ARHGEF3: variants seen among roughly 807,000 people sequenced by gnomAD.
ARHGEF3 encodes the protein Rho guanine nucleotide exchange factor 3, also known as 59.8 kDA protein.
ARHGEF3 carries 28 observed loss-of-function variants against 63.2 expected under a neutral mutation model. That is an observed-to-expected ratio of 0.44 (90% CI 0.33 to 0.61). ARHGEF3 has a LOEUF of 0.61. Ranked by LOEUF, ARHGEF3 falls within the 20% of genes least tolerant of loss-of-function variation. The probability of loss-of-function intolerance (pLI) is 0.03; values close to 1 mark genes in which losing one functional copy is unlikely to be tolerated. For synonymous variants in ARHGEF3, 266 were observed against 254.2 expected (o/e 1.05, Z -0.44); for missense variants, 533 against 659.3 (o/e 0.81, Z 2.10).
At chr3:56,809,246 A>T (rs2037977027) in intron 4 of ARHGEF3, among the ~76,000 whole-genome samples, 1 of 152,198 alleles carries the variant, frequency 6.6e-6, no homozygotes, top group Non-Finnish European at 1.5e-5. Flanking sequence ...GGGACAGAAA[A>T]CTGTCTTAAA....
intron 1 of ARHGEF3, among the ~76,000 whole-genome samples, chr3:57,042,717 G>T (rs1319921790): frequency 1.0e-3 from 46 of 44,698 alleles, no homozygotes; most frequent in Admixed American, 1.6e-3. Flanking sequence ...TTTTTTTTTA[G>T]ACGGAGTCTC....
intron 4 of ARHGEF3, among the ~76,000 whole-genome samples, chr3:56,864,925 A>G (rs1471872000): frequency 6.6e-6 from 1 of 152,182 alleles, no homozygotes; most frequent in Non-Finnish European, 1.5e-5. Flanking sequence ...CTTCAGTCAA[A>G]CATAAGCCCC....
chr3:56,975,856 G>T, intron 2 of ARHGEF3: 1 of 380,392 alleles, frequency 2.6e-6, no homozygotes, highest in South Asian at 2.0e-5. Context: ...AAAGATCAGA[G>T]ATTAGTCTTA....
chr3:56,785,763 A>T (rs1337683471), intron 1 of ARHGEF3, among the ~76,000 whole-genome samples: 1 of 152,234 alleles, frequency 6.6e-6, no homozygotes, highest in Non-Finnish European at 1.5e-5. Context: ...AACACATCTC[A>T]GGCAAGCAAA....
At chr3:56,968,272 A>T (rs1700736426) in intron 2 of ARHGEF3, among the ~76,000 whole-genome samples, 2 of 50,598 alleles carry the variant, frequency 4.0e-5, no homozygotes, top group Non-Finnish European at 7.6e-5. Context: ...AATATATAAT[A>T]TATAAAATAT....
rs2035639889 is a variant in ARHGEF3, at chr3:56,765,235, T to C, written c.204+8474A>G. ...CTTATTTTGTTGTTGTTCTGTTTGT[T>C]TTGTTTTAGGCTTTTAGCAGCCTGA... On this transcript the variant is annotated intron_variant, in intron 2 of 9. Coordinates refer to ENST00000296315, the MANE Select transcript of ARHGEF3 (RefSeq NM_019555.3). 2.6e-5 allele frequency among the ~76,000 whole-genome samples: 4 copies of C among 152,320 alleles called. No homozygotes were observed. The South Asian group carries it at 8.3e-4, about 32-fold the overall frequency.
intron 1 of ARHGEF3, among the ~76,000 whole-genome samples, chr3:57,072,875 T>C (rs1705999608): frequency 1.3e-5 from 2 of 151,890 alleles, no homozygotes; most frequent in Admixed American, 6.6e-5. Context: ...TGAAACCCCA[T>C]CTCTACTAAA....
intron 3 of ARHGEF3, chr3:56,940,138 G>A (rs1015589008): frequency 4.6e-5 from 7 of 152,096 alleles, no homozygotes; most frequent in African/African-American, 1.5e-4. Flanking sequence ...GAGCAGAGAG[G>A]AGTCAAGAAT....
chr3:57,037,137 A>G (rs1296803517), intron 1 of ARHGEF3, among the ~76,000 whole-genome samples: 1 of 152,150 alleles, frequency 6.6e-6, no homozygotes, highest in Non-Finnish European at 1.5e-5. Flanking sequence ...ATCAGCTGAG[A>G]CATGTGCATT....
chr3:56,832,344 G>A (rs897055899), intron 4 of ARHGEF3, among the ~76,000 whole-genome samples: 5 of 152,294 alleles, frequency 3.3e-5, no homozygotes, highest in Admixed American at 2.6e-4. Context: ...ATATATGTAA[G>A]TAGGGGGTTT....
At chr3:57,061,058 C>T (rs998833179) in intron 1 of ARHGEF3, among the ~76,000 whole-genome samples, 5 of 152,164 alleles carry the variant, frequency 3.3e-5, no homozygotes, top group African/African-American at 9.7e-5. Flanking sequence ...TTGTACAACT[C>T]TTACCATTAT....
At chr3:57,073,769 C>A (rs1376382520) in intron 1 of ARHGEF3, 1 of 1,614,252 alleles carries the variant, frequency 6.2e-7, no homozygotes, top group Non-Finnish European at 8.5e-7. Context: ...AGGCACTAGA[C>A]TCTTCCAGAC....
intron 2 of ARHGEF3, among the ~76,000 whole-genome samples, chr3:56,988,988 C>T (rs891346095): frequency 1.3e-5 from 2 of 152,272 alleles, no homozygotes; most frequent in Admixed American, 1.3e-4. Flanking sequence ...AGTTAAATTA[C>T]AAATAGCTGG....
intron 2 of ARHGEF3, among the ~76,000 whole-genome samples, chr3:56,978,998 A>C (rs1265021765): frequency 6.6e-6 from 1 of 152,202 alleles, no homozygotes; most frequent in East Asian, 1.9e-4. Context: ...TCTACAAAAA[A>C]TAAAAAAATT....
At chr3:56,846,237 C>T (rs572236893) in intron 4 of ARHGEF3, among the ~76,000 whole-genome samples, 2 of 152,302 alleles carry the variant, frequency 1.3e-5, no homozygotes, top group South Asian at 4.1e-4. Context: ...ATTTTTTACT[C>T]TACTTCATGC....
chr3:56,886,654 A>G (rs1183539574), intron 3 of ARHGEF3, among the ~76,000 whole-genome samples: 2 of 152,198 alleles, frequency 1.3e-5, no homozygotes, highest in Non-Finnish European at 2.9e-5. Context: ...AATAATTCAC[A>G]CTGATAATAA....
At chr3:56,943,901 G>C (rs1203941518) in intron 3 of ARHGEF3, among the ~76,000 whole-genome samples, 4 of 147,316 alleles carry the variant, frequency 2.7e-5, no homozygotes, top group East Asian at 2.0e-4. Flanking sequence ...GCGACAGAGA[G>C]AGACTCCGAC....
At chr3:56,900,379 A>C (rs923078062) in intron 3 of ARHGEF3, among the ~76,000 whole-genome samples, 23 of 152,230 alleles carry the variant, frequency 1.5e-4, no homozygotes, top group African/African-American at 5.3e-4. Flanking sequence ...TCACACCCGT[A>C]ATCCCAGCAC....
At chr3:56,982,220 C>T (rs955662913) in intron 2 of ARHGEF3, among the ~76,000 whole-genome samples, 2 of 151,050 alleles carry the variant, frequency 1.3e-5, no homozygotes, top group South Asian at 4.2e-4. Context: ...TAGCCTATCA[C>T]TAGACTTGCC....
Sources: allele counts gnomAD v4.1 joint callset (sites outside exome capture counted in the v4.1 genomes callset), GRCh38; gene constraint gnomAD v4.1.1; transcripts MANE v1.5; gene names NCBI Gene and HGNC (gene_info 2026-07-23, HGNC 2026-07-21).